FAM107B: variants seen among roughly 807,000 people sequenced by gnomAD.
The protein encoded by FAM107B is protein FAM107B.
A neutral mutation model predicts 31.5 loss-of-function variants in FAM107B; 21 were observed. The observed-to-expected ratio is 0.67, with a 90% CI of 0.47 to 0.96. FAM107B has a LOEUF of 0.96. FAM107B is among the 40% of genes least tolerant of loss of function. The pLI is 0.00. For missense variants in FAM107B, 452 were observed against 377.1 expected (o/e 1.20, Z -1.64); for synonymous variants, 157 against 141.5 (o/e 1.11, Z -0.78).
intron 1 of FAM107B, among the ~76,000 whole-genome samples, chr10:14,681,562 C>T (rs143862252): frequency 1.3e-3 from 192 of 152,194 alleles, no homozygotes; most frequent in African/African-American, 4.5e-3. Flanking sequence ...CGCATACTTG[C>T]CCCTCGTCAC....
At chr10:14,611,031 A>T (rs1852711303) in intron 2 of FAM107B, among the ~76,000 whole-genome samples, 1 of 152,218 alleles carries the variant, frequency 6.6e-6, no homozygotes, top group African/African-American at 2.4e-5. Flanking sequence ...ATCGCGAAGA[A>T]TCGAGAGAAA....
rs112213113 is a variant in FAM107B, at chr10:14,576,597, C to T, written c.470-46082G>A. Among the ~76,000 whole-genome samples the T allele has an allele frequency of 6.7e-3, 1,027 of 152,220 alleles. 5 individuals carry two copies. The highest frequency in any genetic ancestry group is 0.018 in the African/African-American group (750 of 41,546). ...GCAGTGAACAGTGGGAAAACTCTCA[C>T]AAAATTATGGCTTTCTGTACTATGT... is the stretch of plus-strand genomic sequence containing the variant. On this transcript the variant is annotated intron_variant, in intron 2 of 4. Coordinates refer to ENST00000181796, the MANE Select transcript of FAM107B (RefSeq NM_031453.4).
chr10:14,618,727 C>A (rs138844818), intron 2 of FAM107B, among the ~76,000 whole-genome samples: 73 of 152,184 alleles, frequency 4.8e-4, no homozygotes, highest in African/African-American at 1.7e-3. Flanking sequence ...ATCCCAGCTA[C>A]ACAGGAAGTT....
intron 2 of FAM107B, among the ~76,000 whole-genome samples, chr10:14,569,157 C>A (rs1295880150): frequency 6.6e-6 from 1 of 152,190 alleles, no homozygotes; most frequent in Non-Finnish European, 1.5e-5. Flanking sequence ...TTATTCAAAT[C>A]TTTGCCCACC....
intron 1 of FAM107B, among the ~76,000 whole-genome samples, chr10:14,725,821 CTTT>C (rs759788163): frequency 5.3e-5 from 5 of 94,294 alleles, no homozygotes; most frequent in Non-Finnish European, 9.6e-5. Flanking sequence ...CAGTCAAATC[CTTT>C]TTTTTTTTTT....
chr10:14,593,786 C>A (rs1571036), intron 2 of FAM107B, among the ~76,000 whole-genome samples: 20,385 of 152,022 alleles, frequency 0.13, 1,563 homozygotes, highest in Admixed American at 0.24. Context: ...TGTTTAAAAT[C>A]TTTTCCAAAA....
chr10:14,717,792 C>T (rs1855814857), intron 1 of FAM107B, among the ~76,000 whole-genome samples: 1 of 152,082 alleles, frequency 6.6e-6, no homozygotes, highest in Non-Finnish European at 1.5e-5. Context: ...GCCATCTAGG[C>T]ATTCCTGAAT....
At chr10:14,614,456 T>C (rs971012251) in intron 2 of FAM107B, among the ~76,000 whole-genome samples, 2 of 151,914 alleles carry the variant, frequency 1.3e-5, no homozygotes, top group African/African-American at 4.8e-5. Context: ...GTGGATCACC[T>C]GAGGTTAGGG....
intron 1 of FAM107B, among the ~76,000 whole-genome samples, chr10:14,682,158 T>A (rs1254451414): frequency 6.6e-6 from 1 of 152,180 alleles, no homozygotes; most frequent in Non-Finnish European, 1.5e-5. Flanking sequence ...ACATTATTTG[T>A]ATATTAAAAC....
intron 2 of FAM107B, among the ~76,000 whole-genome samples, chr10:14,547,781 A>G (rs1026540006): frequency 2.6e-5 from 4 of 152,256 alleles, no homozygotes; most frequent in African/African-American, 9.6e-5. Flanking sequence ...AACAACGGTA[A>G]CAATGATGTG....
chr10:14,651,624 A>G (rs1015273621), intron 2 of FAM107B, among the ~76,000 whole-genome samples: 1 of 152,096 alleles, frequency 6.6e-6, no homozygotes, highest in African/African-American at 2.4e-5. Context: ...CAAAACAGAT[A>G]TATCCACACA....
intron 1 of FAM107B, among the ~76,000 whole-genome samples, chr10:14,702,673 A>T (rs1177436286): frequency 6.6e-6 from 1 of 152,212 alleles, no homozygotes; most frequent in Non-Finnish European, 1.5e-5. Flanking sequence ...TTAAAAATTT[A>T]GTAGACAGCC....
chr10:14,749,271 C>A (rs1832782122), intron 1 of FAM107B, among the ~76,000 whole-genome samples: 1 of 152,112 alleles, frequency 6.6e-6, no homozygotes, highest in African/African-American at 2.4e-5. Flanking sequence ...CTCTTAAAAG[C>A]CAGCTTGTCT....
At chr10:14,695,820 G>C (rs111416888) in intron 1 of FAM107B, among the ~76,000 whole-genome samples, 7 of 152,234 alleles carry the variant, frequency 4.6e-5, no homozygotes, top group African/African-American at 1.2e-4. Flanking sequence ...TTTGTGTGTT[G>C]ATTTTGTATC....
At chr10:14,633,107 G>C (rs1041356310) in intron 2 of FAM107B, among the ~76,000 whole-genome samples, 9 of 151,798 alleles carry the variant, frequency 5.9e-5, no homozygotes, top group Non-Finnish European at 1.2e-4. Context: ...GCTGAGGCAG[G>C]AGAATCGCTT....
At chr10:14,690,105 C>G (rs1190010921) in intron 1 of FAM107B, among the ~76,000 whole-genome samples, 2 of 152,144 alleles carry the variant, frequency 1.3e-5, no homozygotes, top group Non-Finnish European at 2.9e-5. Context: ...CCATGTGACC[C>G]ATCCTTCTCC....
intron 1 of FAM107B, chr10:14,723,297 T>A (rs1588731789): frequency 1.5e-5 from 8 of 539,700 alleles, no homozygotes; most frequent in South Asian, 1.1e-4. Context: ...ACAGAGGGTA[T>A]CTGCACACCT....
chr10:14,647,908 T>G (rs371883739), intron 2 of FAM107B, among the ~76,000 whole-genome samples: 1 of 151,898 alleles, frequency 6.6e-6, no homozygotes, highest in East Asian at 1.9e-4. Flanking sequence ...TATTCAAATA[T>G]GTATTGAGAT....
At chr10:14,567,945 C>T (rs1250348659) in intron 2 of FAM107B, among the ~76,000 whole-genome samples, 2 of 152,198 alleles carry the variant, frequency 1.3e-5, no homozygotes, top group Non-Finnish European at 2.9e-5. Flanking sequence ...CAAAAAGCTC[C>T]TGCTGCCACT....
Sources: gnomAD v4.1 joint callset for allele counts (sites outside exome capture counted in the v4.1 genomes callset) on GRCh38, gnomAD v4.1.1 for gene constraint, MANE v1.5 for transcripts, NCBI Gene and HGNC (gene_info 2026-07-23, HGNC 2026-07-21) for gene names.